The following ESF1 variants were observed in gnomAD, a reference collection of about 807,000 sequenced individuals.
ESF1 encodes the protein ESF1 homolog.
A neutral mutation model predicts 92.0 loss-of-function variants in ESF1; 58 were observed. The observed-to-expected ratio is 0.63, with a 90% CI of 0.51 to 0.78. The LOEUF (loss-of-function observed/expected upper bound fraction) is 0.78. ESF1 is among the 30% of genes least tolerant of loss of function. The pLI is 0.00. For synonymous variants in ESF1, 321 were observed against 313.7 expected (o/e 1.02, Z -0.24); for missense variants, 922 against 989.1 (o/e 0.93, Z 0.91).
chr20:13,723,098 TCCC>T (rs2049878964), intron 11 of ESF1, among the ~76,000 whole-genome samples: 1 of 152,220 alleles, frequency 6.6e-6, no homozygotes, highest in South Asian at 2.1e-4. Flanking sequence ...AAATTTCATT[TCCC>T]ATTACTTATA....
chr20:13,761,925 TCTA>T (rs1247970202), intron 8 of ESF1, among the ~76,000 whole-genome samples: 1 of 152,156 alleles, frequency 6.6e-6, no homozygotes, highest in African/African-American at 2.4e-5. Flanking sequence ...TAAAGGAAAC[TCTA>T]CTAGCAGGAT....
chr20:13,772,585 T>A lies in ESF1; in HGVS notation c.1180A>T (p.Met394Leu). ...GGTCCTTGAACTTGCTCTTCCTTCA[T>A]CCTCTCCTTTCCAAATTCTGAAGGA... ...IYPSEFGKER[M>L]KEEQVQGPVE... The change falls in exon 5 of 14, where the codon ATG becomes TTG. Residue 394 changes from methionine (M) to leucine (L), a missense_variant. Met to Leu is a conservative substitution (Grantham distance 15). Transcript: ENST00000617257. 6.2e-7 allele frequency: 1 copy of A among 1,612,540 alleles called. No homozygotes were observed. The highest frequency in any genetic ancestry group is 8.5e-7 in the Non-Finnish European group (1 of 1,179,208).
intron 9 of ESF1, among the ~76,000 whole-genome samples, chr20:13,741,938 C>T (rs2050016004): frequency 2.6e-5 from 4 of 152,064 alleles, no homozygotes; most frequent in Admixed American, 2.6e-4. Context: ...AACAGTACAA[C>T]AGAAAAATGG....
chr20:13,731,230 A>G (rs183778614), intron 10 of ESF1, among the ~76,000 whole-genome samples: 3 of 152,326 alleles, frequency 2.0e-5, no homozygotes, highest in Admixed American at 6.5e-5. Flanking sequence ...GACATCTCCA[A>G]TAAACTGATA....
At chr20:13,773,510 T>A (rs1158818127) in intron 4 of ESF1, among the ~76,000 whole-genome samples, 1 of 152,196 alleles carries the variant, frequency 6.6e-6, no homozygotes, top group Non-Finnish European at 1.5e-5. Context: ...ATCTAGAATT[T>A]CGCTGGAGCT....
intron 11 of ESF1, among the ~76,000 whole-genome samples, chr20:13,727,567 C>T (rs985210501): frequency 3.3e-5 from 5 of 152,182 alleles, no homozygotes; most frequent in Admixed American, 1.3e-4. Flanking sequence ...GTATAATGAT[C>T]GGGGAAGGCA....
rs986495012 is a variant in ESF1, at chr20:13,752,947, A to C, written c.1828+6745T>G. On this transcript the variant is annotated intron_variant, in intron 9 of 13. Transcript: ENST00000617257. ...TGAGACAGTAAGAGAAGTCCTTGCC[A>C]GCGTGAGACAGTAAGGGGCACCTCT... Among the ~76,000 whole-genome samples the C allele has an allele frequency of 3.9e-5, 6 of 152,280 alleles. No homozygotes were observed. In the East Asian group the frequency reaches 5.8e-4, roughly 15 times the overall value.
At position 13,782,852 on chromosome 20, in the gene ESF1, T is replaced by C. The variant is rs777312167; in HGVS notation, c.289A>G (p.Lys97Glu). 4.4e-6 allele frequency: 7 copies of C among 1,602,942 alleles called. No individual in the cohort carries two copies. Among genetic ancestry groups the C allele is most frequent in the Non-Finnish European group, 5.9e-6 (7 of 1,177,612 alleles). ...ATTTCTTTTTTAGTCTGGGTTTTTTTCTTCTTTATTTTCTTTTGACTCAAT... is the reference window on the plus strand; with the variant it reads ...ATTTCTTTTTTAGTCTGGGTTTTTTCCTTCTTTATTTTCTTTTGACTCAAT... ...KALSQKKIKK[K>E]KTQTKKEIDS... is the part of the protein sequence containing the mutation. The change falls in exon 2 of 14, where the codon AAA (lysine) becomes GAA (glutamate). Residue 97 changes from lysine (K) to glutamate (E), a missense_variant. Lys to Glu is a moderately conservative substitution (Grantham distance 56). Coordinates refer to ENST00000617257, the MANE Select transcript of ESF1 (RefSeq NM_001276380.2).
At chr20:13,731,507 G>A (rs1398248025) in intron 10 of ESF1, among the ~76,000 whole-genome samples, 2 of 140,946 alleles carry the variant, frequency 1.4e-5, no homozygotes, top group Non-Finnish European at 3.0e-5. Context: ...ACTCCAGCCT[G>A]GGCGACAGAG....
At chr20:13,750,254 C>T (rs1163869873) in intron 9 of ESF1, among the ~76,000 whole-genome samples, 1 of 152,234 alleles carries the variant, frequency 6.6e-6, no homozygotes, top group East Asian at 1.9e-4. Context: ...CCTGTAATCC[C>T]AGCACTCTGG....
chr20:13,746,088 C>G (rs547305074), intron 9 of ESF1, among the ~76,000 whole-genome samples: 1 of 152,206 alleles, frequency 6.6e-6, no homozygotes, highest in South Asian at 2.1e-4. Context: ...CCTCAGCCAC[C>G]CAAGTAGCTG....
chr20:13,717,275 AG>A, intron 13 of ESF1, 92 bp downstream of exon 13: 1 of 1,477,414 alleles, frequency 6.8e-7, no homozygotes, highest in Non-Finnish European at 9.2e-7. Flanking sequence ...GACATTTTCA[AG>A]GGTAACTTTG....
chr20:13,759,623 T>A, intron 9 of ESF1, 69 bp downstream of exon 9: 1 of 1,528,862 alleles, frequency 6.5e-7, no homozygotes, highest in East Asian at 2.4e-5. Context: ...TTCCGGCTCC[T>A]TCATATTTAA....
At chr20:13,755,204 G>A (rs1371491808) in intron 9 of ESF1, among the ~76,000 whole-genome samples, 1 of 152,204 alleles carries the variant, frequency 6.6e-6, no homozygotes, top group Non-Finnish European at 1.5e-5. Context: ...GGGTTCTGTA[G>A]AGTGCTGAGT....
intron 8 of ESF1, among the ~76,000 whole-genome samples, chr20:13,760,658 G>C (rs1002344718): frequency 6.6e-6 from 1 of 151,720 alleles, no homozygotes; most frequent in Admixed American, 6.6e-5. Flanking sequence ...TGTCCGGGAG[G>C]GAGGCGGGGG....
chr20:13,774,699 C>G (rs968995718), intron 4 of ESF1, among the ~76,000 whole-genome samples: 8 of 152,144 alleles, frequency 5.3e-5, no homozygotes, highest in African/African-American at 1.9e-4. Context: ...ATTAGGTTGG[C>G]TTGAAATATG....
chr20:13,748,590 A>ATTT (rs1187302704), intron 9 of ESF1, among the ~76,000 whole-genome samples: 2 of 90,664 alleles, frequency 2.2e-5, no homozygotes, highest in Non-Finnish European at 4.0e-5. Context: ...ATATATATAT[A>ATTT]TATTTTTTTT....
At chr20:13,715,832 G>GA (rs779411073) in intron 13 of ESF1, among the ~76,000 whole-genome samples, 17 of 152,276 alleles carry the variant, frequency 1.1e-4, no homozygotes, top group Middle Eastern at 3.4e-3. Flanking sequence ...GGAAACACAC[G>GA]AAATACAAGT....
intron 10 of ESF1, among the ~76,000 whole-genome samples, chr20:13,730,601 G>A (rs867392471): frequency 4.0e-5 from 6 of 151,056 alleles, no homozygotes; most frequent in South Asian, 2.1e-4. Flanking sequence ...AGCCAGGATG[G>A]TCTTGATCTC....
Sources: gnomAD v4.1 joint callset for allele counts (sites outside exome capture counted in the v4.1 genomes callset) on GRCh38, gnomAD v4.1.1 for gene constraint, MANE v1.5 for transcripts, NCBI Gene and HGNC (gene_info 2026-07-23, HGNC 2026-07-21) for gene names.